Variants in AFF4 observed in about 807,000 individuals in gnomAD.
AFF4 encodes the protein AF4/FMR2 family member 4.
Under a neutral mutation model 124.8 loss-of-function variants are expected in AFF4, and 13 were observed. The observed-to-expected ratio is 0.10, with a 90% CI of 0.07 to 0.17. The LOEUF (loss-of-function observed/expected upper bound fraction) is 0.17, where lower values mean the gene tolerates loss of function less well. AFF4 is among the 10% of genes least tolerant of loss of function. The pLI is 1.00. For missense variants in AFF4, 1,092 were observed against 1,403.8 expected, an observed-to-expected ratio of 0.78 and a Z score of 3.55; for synonymous variants, 477 against 496.1, an observed-to-expected ratio of 0.96 and a Z score of 0.51.
Position 132,934,547 on chromosome 5 carries a change from T to C in AFF4, c.518A>G (p.His173Arg). The C allele has an allele frequency of 6.2e-7, 1 of 1,613,568 alleles. No individual in the cohort carries two copies. The highest frequency in any genetic ancestry group is 8.5e-7 in the Non-Finnish European group (1 of 1,179,890). ...SRKKGQHGSE[H>R]SKSRSSSPGK... Reference sequence around the variant, plus strand: ...AGGGCTGGAAGAACGTGATTTGGAGTGTTCTGATCCATGCTGGCCTTTTTT... The same window carrying C: ...AGGGCTGGAAGAACGTGATTTGGAGCGTTCTGATCCATGCTGGCCTTTTTT... The change falls in exon 3 of 21, where the codon CAC (histidine) becomes CGC (arginine). Residue 173 changes from histidine (H) to arginine (R), a missense_variant. His to Arg is a conservative substitution (Grantham distance 29). This residue lies in a region of AFF4 where 188 missense variants were observed against 203.0 expected (regional missense o/e 0.93). Transcript: ENST00000265343.
At chr5:132,903,633 G>T (rs1232653084) in intron 6 of AFF4, among the ~76,000 whole-genome samples, 2 of 152,120 alleles carry the variant, frequency 1.3e-5, no homozygotes, top group Non-Finnish European at 2.9e-5. Context: ...GGTATAGCAG[G>T]CAGCAGATTT....
intron 14 of AFF4, 83 bp downstream of exon 14, chr5:132,888,996 A>T: frequency 7.4e-7 from 1 of 1,345,456 alleles, no homozygotes; most frequent in Non-Finnish European, 1.1e-6. Context: ...GCGCCCGGCC[A>T]ATGATAGAAA....
chr5:132,897,852 T>TA (rs1329411985), intron 10 of AFF4, among the ~76,000 whole-genome samples: 1 of 152,176 alleles, frequency 6.6e-6, no homozygotes, highest in East Asian at 1.9e-4. Context: ...ATGATGTAGG[T>TA]ACAAAGAGAT....
intron 4 of AFF4, chr5:132,927,500 T>C (rs1761200328): frequency 3.4e-6 from 1 of 296,054 alleles, no homozygotes; most frequent in Non-Finnish European, 6.2e-6. Flanking sequence ...AAAACGCTAA[T>C]CAGGAAGAGC....
intron 7 of AFF4, chr5:132,900,935 C>T (rs1388775835): frequency 1.0e-6 from 1 of 984,772 alleles, no homozygotes; most frequent in African/African-American, 1.7e-5. Flanking sequence ...ACTCTATTAA[C>T]TACTTGTACT....
intron 1 of AFF4, among the ~76,000 whole-genome samples, chr5:132,954,048 T>C (rs1761898680): frequency 1.3e-5 from 2 of 152,180 alleles, no homozygotes; most frequent in Non-Finnish European, 2.9e-5. Flanking sequence ...ATTAATCTCA[T>C]ACTTTCTACC....
At chr5:132,896,235 C>G (rs1182222285) in intron 11 of AFF4, 88 bp downstream of exon 11, 1 of 1,458,176 alleles carries the variant, frequency 6.9e-7, no homozygotes, top group African/African-American at 1.4e-5. Context: ...AGCTTATGAC[C>G]CACCTTGTTA....
chr5:132,936,249 A>G lies in AFF4; in HGVS notation c.123+818T>C, dbSNP rs1000929383. Among the ~76,000 whole-genome samples, 3 of 133,212 alleles carry G rather than the reference A, an allele frequency of 2.3e-5. No homozygotes were observed. The East Asian group carries it at 7.7e-4, about 34-fold the overall frequency. 87.4% of individuals were successfully genotyped at this position (133,212 alleles called of 152,430 possible). ...GCCACTGCACTCCAACCTGGGCGAC[A>G]GAGCAAGACTCCGTCTCAAAAAAAA... is the stretch of plus-strand genomic sequence containing the variant. On this transcript the variant is annotated intron_variant, in intron 2 of 20. Coordinates refer to ENST00000265343, the MANE Select transcript of AFF4 (RefSeq NM_014423.4).
At chr5:132,949,007 A>T (rs572052460) in intron 1 of AFF4, among the ~76,000 whole-genome samples, 1 of 152,156 alleles carries the variant, frequency 6.6e-6, no homozygotes, top group South Asian at 2.1e-4. Flanking sequence ...CTTCTGAGAA[A>T]TATATTAATC....
chr5:132,937,885 T>C (rs1297310820), intron 1 of AFF4: 1 of 152,218 alleles, frequency 6.6e-6, no homozygotes, highest in East Asian at 1.9e-4. Flanking sequence ...AAGGAAGTCT[T>C]TGGAGTGAGG....
intron 1 of AFF4, among the ~76,000 whole-genome samples, chr5:132,940,792 C>T (rs921132941): frequency 5.3e-5 from 8 of 151,982 alleles, no homozygotes; most frequent in East Asian, 1.9e-4. Context: ...TTTGGGAGGC[C>T]GAGGCAGGCG....
At chr5:132,933,804 ATT>A (rs1319146841) in intron 3 of AFF4, among the ~76,000 whole-genome samples, 3 of 152,354 alleles carry the variant, frequency 2.0e-5, no homozygotes, top group Admixed American at 6.5e-5. Flanking sequence ...AGAAAAGTTA[ATT>A]TTGTTTTTAA....
chr5:132,892,671 A>G (rs1760293329), intron 12 of AFF4, among the ~76,000 whole-genome samples: 1 of 152,174 alleles, frequency 6.6e-6, no homozygotes, highest in Non-Finnish European at 1.5e-5. Context: ...ATGATTGAAC[A>G]AATTGATGAA....
intron 5 of AFF4, among the ~76,000 whole-genome samples, chr5:132,911,108 T>A (rs1178937624): frequency 6.6e-6 from 1 of 152,180 alleles, no homozygotes; most frequent in Non-Finnish European, 1.5e-5. Flanking sequence ...CCTCTTCTCT[T>A]TCCCATGGAT....
intron 1 of AFF4, chr5:132,937,769 T>C (rs1371172619): frequency 6.6e-6 from 1 of 152,228 alleles, no homozygotes; most frequent in African/African-American, 2.4e-5. Context: ...GCTCTAAATA[T>C]ATTAATATTT....
rs1478630017 is a variant in AFF4 at position 132,958,173 on chromosome 5, T to A, written c.-5+5086A>T. ...ATTACAACACTTACAGTCCTTCTTT[T>A]ACTAGTGTCTTCCCTAATACATTTT... On this transcript the variant is annotated intron_variant, in intron 1 of 20. Coordinates refer to ENST00000265343, the MANE Select transcript of AFF4 (RefSeq NM_014423.4). Among the ~76,000 whole-genome samples the A allele has an allele frequency of 2.6e-5, 4 of 152,130 alleles. No homozygotes were observed. The East Asian group carries it at 7.7e-4, about 29-fold the overall frequency.
At chr5:132,908,777 T>TA (rs1554075345) in intron 5 of AFF4, among the ~76,000 whole-genome samples, 3,447 of 77,322 alleles carry the variant, frequency 0.045, 115 homozygotes, top group African/African-American at 0.18. Context: ...TATATATATA[T>TA]TTTTTTTTTT....
chr5:132,933,283 G>A lies in AFF4; in HGVS notation c.918+864C>T, dbSNP rs1477974935. ...ATGGTGGCACATGCCTGTAATCCCA[G>A]CTACTCGGGAGGCTGAGGCAGGAGA... is the stretch of plus-strand genomic sequence containing the variant. On this transcript the variant is annotated intron_variant, in intron 3 of 20. Transcript: ENST00000265343. Among the ~76,000 whole-genome samples, 3 of 152,166 alleles carry A rather than the reference G, an allele frequency of 2.0e-5. No homozygotes were observed. The East Asian group carries it at 5.8e-4, about 29-fold the overall frequency.
chr5:132,916,300 T>C (rs1760910274), intron 5 of AFF4, among the ~76,000 whole-genome samples: 1 of 147,178 alleles, frequency 6.8e-6, no homozygotes, highest in East Asian at 2.0e-4. Context: ...CAATAGCTCA[T>C]GCTTATCAAC....
Sources: gnomAD v4.1 joint callset for allele counts (sites outside exome capture counted in the v4.1 genomes callset) on GRCh38, gnomAD v4.1.1 for gene constraint, gnomAD v4.1.1 regional missense constraint, MANE v1.5 for transcripts, NCBI Gene and HGNC (gene_info 2026-07-23, HGNC 2026-07-21) for gene names.